The following TMEM108 variants were observed in gnomAD, a reference collection of about 807,000 sequenced individuals.
TMEM108 encodes cancer/testis antigen 124.
A neutral mutation model predicts 35.1 loss-of-function variants in TMEM108; 12 were observed. The ratio of observed to expected loss-of-function variants is 0.34; its 90% confidence interval spans 0.22 to 0.55. TMEM108 has a LOEUF of 0.55. Among genes scored for constraint, TMEM108 ranks in the 20% least tolerant of loss-of-function variants. The pLI is 0.89. For synonymous variants in TMEM108, 287 were observed against 308.6 expected (o/e 0.93, Z 0.73); for missense variants, 680 against 753.3 (o/e 0.90, Z 1.14).
At position 133,240,747 on chromosome 3, in the gene TMEM108, C is replaced by T. The variant is rs182106493; in HGVS notation, c.40+11396C>T. Among the ~76,000 whole-genome samples, 24 of 152,332 alleles carry T rather than the reference C, an allele frequency of 1.6e-4. No homozygotes were observed. The East Asian group carries it at 4.4e-3, about 28-fold the overall frequency. On this transcript the variant is annotated intron_variant, in intron 3 of 5. Coordinates refer to ENST00000321871, the MANE Select transcript of TMEM108 (RefSeq NM_023943.4). ...TCCCTCATTGTCCTCAACTACAATG[C>T]ACAGGTGACCAGTATATTGTCTACC...
At chr3:133,202,901 A>G (rs1223361470) in intron 2 of TMEM108, among the ~76,000 whole-genome samples, 1 of 152,048 alleles carries the variant, frequency 6.6e-6, no homozygotes, top group African/African-American at 2.4e-5. Flanking sequence ...CATTTTCATG[A>G]TATTGATTCT....
At chr3:133,266,672 T>A (rs1182959052) in intron 3 of TMEM108, among the ~76,000 whole-genome samples, 1 of 152,148 alleles carries the variant, frequency 6.6e-6, no homozygotes, top group African/African-American at 2.4e-5. Flanking sequence ...AGTCAGTCAG[T>A]CAGTGAGTGG....
chr3:133,366,204 G>A (rs1398039435), intron 3 of TMEM108, among the ~76,000 whole-genome samples: 1 of 152,186 alleles, frequency 6.6e-6, no homozygotes, highest in East Asian at 1.9e-4. Context: ...GCATAACACA[G>A]GGTAAAGTGT....
At chr3:133,330,426 G>A (rs2071382051) in intron 3 of TMEM108, among the ~76,000 whole-genome samples, 1 of 152,178 alleles carries the variant, frequency 6.6e-6, no homozygotes, top group Non-Finnish European at 1.5e-5. Context: ...ATATATGTGT[G>A]TGTAAGAGAG....
Position 133,174,725 on chromosome 3 carries a change from G to GA in TMEM108, c.-46-54535dup, listed in dbSNP as rs529558108. On this transcript the variant is annotated intron_variant, in intron 2 of 5. Transcript: ENST00000321871. ...AGGTAGATAAAACCACAAAGATGGG[G>GA]AAAAAACAGAGCAGAAAAACTGGAA... Among the ~76,000 whole-genome samples, 41 of 152,254 alleles carry GA rather than the reference G, an allele frequency of 2.7e-4. No homozygotes were observed. In the East Asian group the frequency reaches 6.4e-3, roughly 24 times the overall value.
chr3:133,180,258 C>A (rs1279693362), intron 2 of TMEM108, among the ~76,000 whole-genome samples: 1 of 152,102 alleles, frequency 6.6e-6, no homozygotes, highest in East Asian at 1.9e-4. Context: ...AATGGAAGAA[C>A]TTCCAACTGA....
intron 2 of TMEM108, among the ~76,000 whole-genome samples, chr3:133,084,455 G>A (rs149750959): frequency 3.3e-5 from 5 of 152,258 alleles, no homozygotes; most frequent in Admixed American, 6.5e-5. Context: ...ATTAGGAAAT[G>A]GTGTAGATAT....
rs567568271 is a variant in TMEM108, at chr3:133,086,073, T to C, written c.-47+40053T>C. Among the ~76,000 whole-genome samples the C allele has an allele frequency of 4.9e-4, 74 of 152,294 alleles. 1 individual carries two copies. The highest frequency in any genetic ancestry group is 1.7e-3 in the African/African-American group (71 of 41,564). ...ACCATTATTGCTTACTAAGGAGATA[T>C]CATATGGAAAGAATTCTCAGATCCT... On this transcript the variant is annotated intron_variant, in intron 2 of 5. Transcript: ENST00000321871.
chr3:133,211,031 G>A (rs761444999), intron 2 of TMEM108, among the ~76,000 whole-genome samples: 2 of 152,012 alleles, frequency 1.3e-5, no homozygotes, highest in Non-Finnish European at 2.9e-5. Context: ...GGGGAATGAG[G>A]CCCCAGAAAA....
At chr3:133,318,218 C>CTACAGAT (rs1409741699) in intron 3 of TMEM108, among the ~76,000 whole-genome samples, 2 of 152,190 alleles carry the variant, frequency 1.3e-5, no homozygotes, top group African/African-American at 2.4e-5. Context: ...TAAAACAAAG[C>CTACAGAT]TACAGATTGC....
chr3:133,091,707 G>A (rs1171803295), intron 2 of TMEM108, among the ~76,000 whole-genome samples: 5 of 152,184 alleles, frequency 3.3e-5, no homozygotes, highest in Non-Finnish European at 7.3e-5. Context: ...TCATTTTTCT[G>A]CCATTAGGCA....
At chr3:133,316,193 A>G (rs1229291070) in intron 3 of TMEM108, among the ~76,000 whole-genome samples, 1 of 151,628 alleles carries the variant, frequency 6.6e-6, no homozygotes, top group South Asian at 2.1e-4. Flanking sequence ...AACATGAAAT[A>G]AAACAAATGA....
At chr3:133,391,682 G>A (rs539480756) in intron 5 of TMEM108, among the ~76,000 whole-genome samples, 21 of 152,182 alleles carry the variant, frequency 1.4e-4, no homozygotes, top group African/African-American at 4.1e-4. Flanking sequence ...ATGGGCTGTC[G>A]CCTCTCCTAC....
chr3:133,289,132 A>T (rs1210482136), intron 3 of TMEM108, among the ~76,000 whole-genome samples: 6 of 152,164 alleles, frequency 3.9e-5, no homozygotes, highest in African/African-American at 1.4e-4. Flanking sequence ...TGGAGCATAG[A>T]AGTATGTTTG....
rs188732911 is a variant in TMEM108 at position 133,298,025 on chromosome 3, C to T, written c.40+68674C>T. ...TCTCAGATGCTTTGATCTCTTTGTC[C>T]AGCCATCTAATCTGCCAGGATGCTC... On this transcript the variant is annotated intron_variant, in intron 3 of 5. Coordinates refer to ENST00000321871, the MANE Select transcript of TMEM108 (RefSeq NM_023943.4). Among the ~76,000 whole-genome samples, 62 of 152,186 alleles carry T rather than the reference C, an allele frequency of 4.1e-4. 1 individual carries two copies. Among genetic ancestry groups the T allele is most frequent in the Admixed American group, 3.8e-3 (58 of 15,290 alleles).
At position 133,056,299 on chromosome 3, in the gene TMEM108, A is replaced by G. The variant is rs142555726; in HGVS notation, c.-47+10279A>G. ...GTCCCGTTCTCTCCTCCCTGTGTAC[A>G]GTGCTCCTGTTTCTTTTCAGTGACC... On this transcript the variant is annotated intron_variant, in intron 2 of 5. Coordinates refer to ENST00000321871, the MANE Select transcript of TMEM108 (RefSeq NM_023943.4). 2.4e-3 allele frequency among the ~76,000 whole-genome samples: 362 copies of G among 152,264 alleles called. 3 individuals carry two copies. The highest frequency in any genetic ancestry group is 8.2e-3 in the African/African-American group (340 of 41,556).
At chr3:133,291,587 G>GT (rs56345577) in intron 3 of TMEM108, among the ~76,000 whole-genome samples, 48,703 of 151,686 alleles carry the variant, frequency 0.32, 8,563 homozygotes, top group East Asian at 0.48. Context: ...CTACCAGTGA[G>GT]TTTTTTTTAA....
intron 3 of TMEM108, among the ~76,000 whole-genome samples, chr3:133,332,421 G>A (rs751013679): frequency 3.3e-5 from 5 of 152,166 alleles, no homozygotes; most frequent in Non-Finnish European, 7.4e-5. Flanking sequence ...TTAAAGTCTC[G>A]CTCTGAAAGC....
chr3:133,182,406 A>T (rs1159412266), intron 2 of TMEM108, among the ~76,000 whole-genome samples: 1 of 152,146 alleles, frequency 6.6e-6, no homozygotes, highest in East Asian at 1.9e-4. Context: ...CTTCAGAGAA[A>T]GCCGCCTGAG....
Sources: allele counts gnomAD v4.1 joint callset (sites outside exome capture counted in the v4.1 genomes callset), GRCh38; gene constraint gnomAD v4.1.1; transcripts MANE v1.5; gene names NCBI Gene and HGNC (gene_info 2026-07-23, HGNC 2026-07-21).